Variants in PPP1R12A observed in about 807,000 individuals in gnomAD.
The protein encoded by PPP1R12A is myosin binding subunit.
PPP1R12A carries 19 observed loss-of-function variants against 139.6 expected under a neutral mutation model. The ratio of observed to expected loss-of-function variants is 0.14; its 90% CI spans 0.09 to 0.20. The LOEUF is 0.20. PPP1R12A is among the 10% of genes least tolerant of loss of function. The probability of loss-of-function intolerance (pLI) is 1.00; values close to 1 mark genes in which losing one functional copy is unlikely to be tolerated. For missense variants in PPP1R12A, 925 were observed against 1,211.5 expected (o/e 0.76, Z 3.51); for synonymous variants, 427 against 420.6 (o/e 1.02, Z -0.19).
chr12:79,899,785 C>T (rs1427633574), intron 1 of PPP1R12A, among the ~76,000 whole-genome samples: 1 of 152,048 alleles, frequency 6.6e-6, no homozygotes, highest in East Asian at 1.9e-4. Flanking sequence ...TAAGAAAATA[C>T]CAAACATCTT....
At chr12:79,848,598 C>G (rs2137228010) in intron 2 of PPP1R12A, among the ~76,000 whole-genome samples, 1 of 152,178 alleles carries the variant, frequency 6.6e-6, no homozygotes, top group South Asian at 2.1e-4. Context: ...TGGCAGGAAG[C>G]AGCGCCCAAA....
chr12:79,917,000 C>G (rs1045760234), intron 1 of PPP1R12A, among the ~76,000 whole-genome samples: 5 of 151,904 alleles, frequency 3.3e-5, no homozygotes, highest in Admixed American at 2.6e-4. Flanking sequence ...AGTTGAGGTA[C>G]TTTACCAGAT....
Position 79,775,712 on chromosome 12 carries a change from TTGATTAAAAAAA to T in PPP1R12A, c.*205_*216del, listed in dbSNP as rs1869638134. 1 of 265,592 alleles carries T rather than the reference TTGATTAAAAAAA, an allele frequency of 3.8e-6. No homozygotes were observed. The highest frequency in any genetic ancestry group is 6.2e-6 in the Non-Finnish European group (1 of 162,308). 16.5% of individuals were successfully genotyped at this position (265,592 alleles called of 1,614,324 possible). A position where few individuals can be genotyped will look rare whatever the true frequency, so the allele number is the denominator to read the frequency against. Reference sequence around the variant, plus strand: ...GCTGCATTAACATGAAACAATGGTCTTGATTAAAAAAAAAAAACAAAAAACAAACCAACAACA... The same window carrying T: ...GCTGCATTAACATGAAACAATGGTCTAAAAACAAAAAACAAACCAACAACA... On this transcript the variant is annotated 3_prime_UTR_variant, in exon 25 of 25. Coordinates refer to ENST00000450142, the MANE Select transcript of PPP1R12A (RefSeq NM_002480.3).
chr12:79,791,681 T>C (rs1328637947), intron 19 of PPP1R12A, among the ~76,000 whole-genome samples: 1 of 152,232 alleles, frequency 6.6e-6, no homozygotes, highest in Non-Finnish European at 1.5e-5. Context: ...TAATATAAAA[T>C]TTACCATGTA....
chr12:79,867,545 G>C (rs1882109790), intron 2 of PPP1R12A, among the ~76,000 whole-genome samples: 1 of 151,478 alleles, frequency 6.6e-6, no homozygotes, highest in African/African-American at 2.4e-5. Context: ...AAAAAAATTA[G>C]TCCCTACTGA....
At chr12:79,776,546 G>A (rs1013962725) in intron 24 of PPP1R12A, among the ~76,000 whole-genome samples, 1 of 151,958 alleles carries the variant, frequency 6.6e-6, no homozygotes, top group Non-Finnish European at 1.5e-5. Context: ...AACAATGTCC[G>A]ATCCCAGATA....
intron 1 of PPP1R12A, among the ~76,000 whole-genome samples, chr12:79,920,415 C>T (rs1241135331): frequency 6.6e-6 from 1 of 152,186 alleles, no homozygotes; most frequent in Non-Finnish European, 1.5e-5. Flanking sequence ...CTCTGTTTAA[C>T]CTTTTGAGAA....
intron 20 of PPP1R12A, chr12:79,789,785 T>C: frequency 2.6e-6 from 1 of 382,462 alleles, no homozygotes; most frequent in Non-Finnish European, 5.0e-6. Context: ...ACACTTTTTT[T>C]TTTTTTTTTT....
intron 20 of PPP1R12A, among the ~76,000 whole-genome samples, chr12:79,789,953 A>C (rs1024837439): frequency 3.3e-5 from 5 of 151,128 alleles, no homozygotes; most frequent in African/African-American, 9.8e-5. Flanking sequence ...ATAATTAAGA[A>C]ATTTTTTTTT....
At chr12:79,876,758 A>G (rs1883140366) in intron 1 of PPP1R12A, among the ~76,000 whole-genome samples, 1 of 152,128 alleles carries the variant, frequency 6.6e-6, no homozygotes, top group Non-Finnish European at 1.5e-5. Context: ...TGTACCCAAA[A>G]AGTTTTAAAG....
intron 24 of PPP1R12A, chr12:79,777,492 C>G: frequency 2.0e-6 from 2 of 985,262 alleles, no homozygotes; most frequent in Non-Finnish European, 2.4e-6. Context: ...CCTGGCTCTA[C>G]CAAGAAGAAA....
At chr12:79,880,663 C>T (rs1054213027) in intron 1 of PPP1R12A, among the ~76,000 whole-genome samples, 3 of 151,972 alleles carry the variant, frequency 2.0e-5, no homozygotes, top group African/African-American at 4.8e-5. Context: ...AGAAGGGTGA[C>T]GTGATCAGAT....
At chr12:79,889,404 C>G (rs1047733218) in intron 1 of PPP1R12A, among the ~76,000 whole-genome samples, 6 of 152,156 alleles carry the variant, frequency 3.9e-5, no homozygotes, top group African/African-American at 1.4e-4. Context: ...GAAAAGACAA[C>G]AAAATCCAGG....
intron 2 of PPP1R12A, among the ~76,000 whole-genome samples, chr12:79,861,037 G>A (rs933506397): frequency 3.3e-5 from 5 of 152,254 alleles, no homozygotes; most frequent in African/African-American, 1.2e-4. Context: ...TGCTGATTTC[G>A]ACCTGGAAAC....
At chr12:79,831,512 C>T (rs1877424209) in intron 4 of PPP1R12A, among the ~76,000 whole-genome samples, 1 of 152,074 alleles carries the variant, frequency 6.6e-6, no homozygotes, top group Admixed American at 6.6e-5. Context: ...GAGCCTCTGT[C>T]ACCCAAGAGG....
chr12:79,790,349 TG>T, intron 20 of PPP1R12A, 117 bp downstream of exon 20: 1 of 672,564 alleles, frequency 1.5e-6, no homozygotes, highest in Non-Finnish European at 2.3e-6. Flanking sequence ...CATCAAAATT[TG>T]TTTTTTATTA....
At chr12:79,931,855 G>A (rs1385531282) in intron 1 of PPP1R12A, among the ~76,000 whole-genome samples, 1 of 152,028 alleles carries the variant, frequency 6.6e-6, no homozygotes, top group African/African-American at 2.4e-5. Flanking sequence ...GACAAGAAAC[G>A]CTGCTTTTTC....
chr12:79,927,480 A>G (rs1458018222), intron 1 of PPP1R12A, among the ~76,000 whole-genome samples: 1 of 152,174 alleles, frequency 6.6e-6, no homozygotes, highest in Non-Finnish European at 1.5e-5. Context: ...AGCTAAAACA[A>G]ATGTGGATGA....
intron 3 of PPP1R12A, among the ~76,000 whole-genome samples, chr12:79,841,778 G>A (rs1219070576): frequency 1.3e-5 from 2 of 152,162 alleles, no homozygotes; most frequent in Non-Finnish European, 2.9e-5. Context: ...AGGTTGTGAT[G>A]CTTTATACTT....
Sources: gnomAD v4.1 joint callset for allele counts (sites outside exome capture counted in the v4.1 genomes callset) on GRCh38, gnomAD v4.1.1 for gene constraint, MANE v1.5 for transcripts, NCBI Gene and HGNC (gene_info 2026-07-23, HGNC 2026-07-21) for gene names.